PALLD: variants seen among roughly 807,000 people sequenced by gnomAD.
The protein encoded by PALLD is palladin.
A neutral mutation model predicts 123.5 loss-of-function variants in PALLD; 61 were observed. That is an observed-to-expected ratio of 0.49 (90% CI 0.40 to 0.61). The LOEUF (loss-of-function observed/expected upper bound fraction) is 0.61, where lower values mean the gene tolerates loss of function less well. Ranked by LOEUF, PALLD falls within the 20% of genes least tolerant of loss-of-function variation. The probability of loss-of-function intolerance (pLI) is 0.00; values close to 1 mark genes in which losing one functional copy is unlikely to be tolerated. For missense variants in PALLD, 1,273 were observed against 1,377.0 expected, an observed-to-expected ratio of 0.92 and a Z score of 1.20; for synonymous variants, 465 against 496.4, an observed-to-expected ratio of 0.94 and a Z score of 0.84.
intron 10 of PALLD, among the ~76,000 whole-genome samples, chr4:168,848,115 G>A (rs796612713): frequency 3.3e-5 from 5 of 152,128 alleles, no homozygotes; most frequent in African/African-American, 1.2e-4. Flanking sequence ...GGTGACTGAG[G>A]ACTGAGTTAG....
At chr4:168,761,641 G>GTTTTTTTT (rs1230404942) in intron 10 of PALLD, among the ~76,000 whole-genome samples, 5 of 11,636 alleles carry the variant, frequency 4.3e-4, no homozygotes, top group Middle Eastern at 0.045. Context: ...TGTTGTTGTT[G>GTTTTTTTT]TTTGTTTTTT....
At chr4:168,600,753 T>C (rs549033216) in intron 2 of PALLD, among the ~76,000 whole-genome samples, 1 of 152,244 alleles carries the variant, frequency 6.6e-6, no homozygotes, top group African/African-American at 2.4e-5. Flanking sequence ...AGCATCATGA[T>C]TAAAGAGAGG....
intron 10 of PALLD, among the ~76,000 whole-genome samples, chr4:168,805,622 C>T (rs1425349287): frequency 6.6e-6 from 1 of 152,112 alleles, no homozygotes; most frequent in African/African-American, 2.4e-5. Context: ...TTTCTCCCAC[C>T]CACCCCTAAA....
At chr4:168,917,939 G>A (rs1195207462) in intron 17 of PALLD, among the ~76,000 whole-genome samples, 3 of 152,036 alleles carry the variant, frequency 2.0e-5, no homozygotes, top group Admixed American at 6.6e-5. Context: ...AGTGGCACAC[G>A]CCTGTAATCC....
intron 14 of PALLD, among the ~76,000 whole-genome samples, chr4:168,901,344 T>G (rs1240345791): frequency 6.6e-6 from 1 of 152,208 alleles, no homozygotes; most frequent in Non-Finnish European, 1.5e-5. Flanking sequence ...AATTTCTGAT[T>G]TACCCTGTTC....
At chr4:168,815,134 T>C (rs566587537) in intron 10 of PALLD, among the ~76,000 whole-genome samples, 1 of 152,342 alleles carries the variant, frequency 6.6e-6, no homozygotes, top group South Asian at 2.1e-4. Flanking sequence ...AATGAGCAAA[T>C]GTAAACATTT....
intron 2 of PALLD, among the ~76,000 whole-genome samples, chr4:168,556,985 C>CG (rs970071226): frequency 6.6e-6 from 1 of 151,842 alleles, no homozygotes; most frequent in Non-Finnish European, 1.5e-5. Flanking sequence ...CAGCCTCCCC[C>CG]GGGAACTGTC....
intron 10 of PALLD, among the ~76,000 whole-genome samples, chr4:168,883,088 C>CA (rs34847342): frequency 0.048 from 6,035 of 124,512 alleles, 154 homozygotes; most frequent in African/African-American, 0.082. Context: ...AACTCTGTCT[C>CA]AAAAAAAAAA....
At chr4:168,878,552 G>A (rs1752158643) in intron 10 of PALLD, among the ~76,000 whole-genome samples, 1 of 152,050 alleles carries the variant, frequency 6.6e-6, no homozygotes, top group African/African-American at 2.4e-5. Context: ...AATTCTTAAC[G>A]GCAATTTGAC....
intron 8 of PALLD, among the ~76,000 whole-genome samples, chr4:168,705,202 G>C (rs927871672): frequency 6.6e-6 from 1 of 152,138 alleles, no homozygotes; most frequent in African/African-American, 2.4e-5. Context: ...TTTGGAGTTG[G>C]AATAGACCTG....
chr4:168,794,463 G>GACGTACGTGCACACGCACACAC lies in PALLD; in HGVS notation c.1964+82543_1964+82564dup, dbSNP rs1256231017. 6.2e-3 allele frequency among the ~76,000 whole-genome samples: 919 copies of GACGTACGTGCACACGCACACAC among 149,068 alleles called. 6 individuals are homozygous for GACGTACGTGCACACGCACACAC. Among genetic ancestry groups the GACGTACGTGCACACGCACACAC allele is most frequent in the Middle Eastern group, 0.035 (10 of 286 alleles). On this transcript the variant is annotated intron_variant, in intron 10 of 21. Transcript: ENST00000505667. Reference sequence around the variant, plus strand: ...CACATAGACATACGCGCAGCGCACAGACGTACGTGCACACGCACACACACA... The same window carrying GACGTACGTGCACACGCACACAC: ...CACATAGACATACGCGCAGCGCACAGACGTACGTGCACACGCACACACACGTACGTGCACACGCACACACACA...
chr4:168,575,418 C>T (rs548590691), intron 2 of PALLD, among the ~76,000 whole-genome samples: 1 of 151,882 alleles, frequency 6.6e-6, no homozygotes, highest in Non-Finnish European at 1.5e-5. Context: ...ACCATCAGAT[C>T]TCATGAGAAC....
rs2149426903 is a variant in PALLD at position 168,511,540 on chromosome 4, C to T, written c.36C>T (p.Asp12=). Residue 12 remains aspartate (D), a synonymous_variant, in exon 2 of 22, where the codon GAC becomes GAT. Transcript: ENST00000505667. ...SGTSSHESFY[D]SLSDMQEESK... The stretch of plus-strand genomic sequence containing the variant: ...CCTCCTCCCATGAGTCCTTCTATGA[C>T]TCCCTCTCAGACATGCAGGAAGAAA... 1 of 1,614,018 alleles carries T rather than the reference C, an allele frequency of 6.2e-7. No homozygotes were observed. Among genetic ancestry groups the T allele is most frequent in the South Asian group, 1.1e-5 (1 of 91,080 alleles).
intron 10 of PALLD, among the ~76,000 whole-genome samples, chr4:168,846,124 A>G (rs1275125477): frequency 6.6e-6 from 1 of 152,162 alleles, no homozygotes; most frequent in Non-Finnish European, 1.5e-5. Context: ...GCATGTACAA[A>G]TATTGACTTG....
At position 168,913,992 on chromosome 4, in the gene PALLD, G is replaced by T. The variant is rs1257537496; in HGVS notation, c.2688G>T (p.Arg896=). The part of the protein sequence containing the change: ...QAVNQRGRSP[R]SPSGHPHVRR... Reference sequence around the variant, plus strand: ...TCAACCAAAGAGGTCGAAGTCCCCGGTCTCCCTCAGGCCATCCTCATGTCA... The same window carrying T: ...TCAACCAAAGAGGTCGAAGTCCCCGTTCTCCCTCAGGCCATCCTCATGTCA... The change falls in exon 16 of 22, where the codon CGG becomes CGT. Residue 896 remains arginine (R), a synonymous_variant. Transcript: ENST00000505667. 1.2e-6 allele frequency: 2 copies of T among 1,611,192 alleles called. No individual in the cohort carries two copies. Among genetic ancestry groups the T allele is most frequent in the Non-Finnish European group, 1.7e-6 (2 of 1,177,484 alleles).
intron 13 of PALLD, among the ~76,000 whole-genome samples, chr4:168,897,467 G>C (rs1332332542): frequency 6.6e-6 from 1 of 151,982 alleles, no homozygotes; most frequent in Non-Finnish European, 1.5e-5. Flanking sequence ...TTGTTTTGGA[G>C]ACAGGGTCTC....
chr4:168,520,117 G>A (rs6847266), intron 2 of PALLD, among the ~76,000 whole-genome samples: 1 of 151,718 alleles, frequency 6.6e-6, no homozygotes, highest in Non-Finnish European at 1.5e-5. Context: ...ACGAGGACAG[G>A]AGATGGAGAC....
rs1216693298 is a variant in PALLD, at chr4:168,600,063, ACATGTGTATACACACACATATATACATG to A, written c.909-68117_909-68090del. Among the ~76,000 whole-genome samples the A allele has an allele frequency of 5.8e-4, 85 of 147,196 alleles. 2 individuals are homozygous for A. The highest frequency in any genetic ancestry group is 1.9e-3 in the African/African-American group (71 of 38,098). On this transcript the variant is annotated intron_variant, in intron 2 of 21. Coordinates refer to ENST00000505667, the MANE Select transcript of PALLD (RefSeq NM_001166108.2). ...CATGTGTATACACACATATATACAT[ACATGTGTATACACACACATATATACATG>A]CATGTGTATGCACACATATATATAC...
intron 2 of PALLD, among the ~76,000 whole-genome samples, chr4:168,639,758 A>C (rs552788955): frequency 6.6e-6 from 1 of 151,990 alleles, no homozygotes; most frequent in Non-Finnish European, 1.5e-5. Context: ...GTTAGCCAGG[A>C]TGGTCTCGAT....
Sources: gnomAD v4.1 joint callset for allele counts (sites outside exome capture counted in the v4.1 genomes callset) on GRCh38, gnomAD v4.1.1 for gene constraint, MANE v1.5 for transcripts, NCBI Gene and HGNC (gene_info 2026-07-23, HGNC 2026-07-21) for gene names.